EHMT1: variants seen among roughly 807,000 people sequenced by gnomAD.
EHMT1 encodes euchromatic histone lysine methyltransferase 1.
In EHMT1, 15 loss-of-function variants were observed where a neutral mutation model predicts 147.2. The ratio of observed to expected loss-of-function variants is 0.10; its 90% CI spans 0.07 to 0.16. EHMT1 has a LOEUF of 0.16. EHMT1 is among the 10% of genes least tolerant of loss of function. The probability of loss-of-function intolerance (pLI) is 1.00; values close to 1 mark genes in which losing one functional copy is unlikely to be tolerated. For missense variants in EHMT1, 1,587 were observed against 1,772.4 expected, an observed-to-expected ratio of 0.90 and a Z score of 1.88; for synonymous variants, 795 against 709.6, an observed-to-expected ratio of 1.12 and a Z score of -1.91.
intron 1 of EHMT1, among the ~76,000 whole-genome samples, chr9:137,654,950 C>T (rs1938274859): frequency 6.6e-6 from 1 of 152,080 alleles, no homozygotes; most frequent in African/African-American, 2.4e-5. Context: ...CCTTGGTATT[C>T]AGGGACTGCA....
chr9:137,699,675 A>C (rs1189486733), intron 1 of EHMT1, among the ~76,000 whole-genome samples: 1 of 48,022 alleles, frequency 2.1e-5, no homozygotes, highest in Non-Finnish European at 3.5e-5. Context: ...ACTCTGTCTC[A>C]AAAAAAAAAA....
At chr9:137,626,525 T>C (rs1341942051) in intron 1 of EHMT1, among the ~76,000 whole-genome samples, 1 of 136,466 alleles carries the variant, frequency 7.3e-6, no homozygotes, top group Non-Finnish European at 1.6e-5. Context: ...AGACTGTCTC[T>C]AACCAAAAAA....
At chr9:137,833,065 C>G (rs1219041025) in intron 25 of EHMT1, 1 of 152,348 alleles carries the variant, frequency 6.6e-6, no homozygotes, top group Non-Finnish European at 1.5e-5. Context: ...ACTGTCTTGT[C>G]ACTGCCCGCG....
intron 1 of EHMT1, among the ~76,000 whole-genome samples, chr9:137,651,673 T>TA (rs1937835428): frequency 1.3e-5 from 2 of 152,136 alleles, no homozygotes. Flanking sequence ...CACACACTTA[T>TA]AATCCCAGCT....
intron 13 of EHMT1, among the ~76,000 whole-genome samples, chr9:137,778,345 C>T (rs1381258046): frequency 6.6e-6 from 1 of 152,270 alleles, no homozygotes; most frequent in Admixed American, 6.5e-5. Context: ...GCCCTTAGGT[C>T]ATGAGAGCAG....
chr9:137,746,832 C>A (rs934919657), intron 6 of EHMT1: 1 of 152,210 alleles, frequency 6.6e-6, no homozygotes, highest in Non-Finnish European at 1.5e-5. Flanking sequence ...TTTCTCGATT[C>A]TCTCTTTCGA....
intron 1 of EHMT1, among the ~76,000 whole-genome samples, chr9:137,700,820 A>G (rs1392359845): frequency 6.6e-6 from 1 of 152,168 alleles, no homozygotes; most frequent in East Asian, 1.9e-4. Context: ...GTTTTACTAT[A>G]AAAAATGCCA....
chr9:137,716,877 G>A lies in EHMT1; in HGVS notation c.337G>A (p.Asp113Asn), dbSNP rs752755202. Residue 113 changes from aspartate to asparagine, a missense_variant, in exon 3 of 27, where the codon GAC becomes AAC. This residue lies in a region of EHMT1 where 810 missense variants were observed against 673.0 expected (regional missense o/e 1.20). Coordinates refer to ENST00000460843, the MANE Select transcript of EHMT1 (RefSeq NM_024757.5). ...AAKQNHVTAD[D>N]FVQTSVIGSN... The stretch of plus-strand genomic sequence containing the variant: ...GAAGCAAAACCACGTCACTGCCGAC[G>A]ACTTTGTGCAGACTTCTGTCATCGG... The A allele has an allele frequency of 1.8e-5, 29 of 1,613,124 alleles. No homozygotes were observed. Among genetic ancestry groups the A allele is most frequent in the Admixed American group, 3.3e-5 (2 of 59,980 alleles).
intron 2 of EHMT1, among the ~76,000 whole-genome samples, chr9:137,715,288 C>A (rs1183913787): frequency 6.6e-6 from 1 of 152,144 alleles, no homozygotes; most frequent in Admixed American, 6.5e-5. Context: ...ACATCTGCTG[C>A]AGGATTTGGT....
chr9:137,827,546 G>A (rs1955892016), intron 25 of EHMT1, among the ~76,000 whole-genome samples: 1 of 152,190 alleles, frequency 6.6e-6, no homozygotes, highest in African/African-American at 2.4e-5. Flanking sequence ...CCATTGCAGT[G>A]GGCACCCACC....
chr9:137,752,495 C>G lies in EHMT1; in HGVS notation c.1248+87C>G, dbSNP rs1949046170. 59 of 1,471,044 alleles carry G rather than the reference C, an allele frequency of 4.0e-5. 1 individual carries two copies. In the South Asian group the frequency reaches 6.4e-4, roughly 16 times the overall value. 91.1% of individuals were successfully genotyped at this position (1,471,044 alleles called of 1,614,324 possible). A position where few individuals can be genotyped will look rare whatever the true frequency, so the allele number is the denominator to read the frequency against. On this transcript the variant is annotated intron_variant, in intron 7 of 26. Coordinates refer to ENST00000460843, the MANE Select transcript of EHMT1 (RefSeq NM_024757.5). The stretch of plus-strand genomic sequence containing the variant: ...GTCCTTCAGTTCTTTACCCAACAAC[C>G]CTTGTTGCCTGAGCGCTCACCCATG...
At chr9:137,627,582 C>T (rs1223675057) in intron 1 of EHMT1, among the ~76,000 whole-genome samples, 2 of 146,888 alleles carry the variant, frequency 1.4e-5, no homozygotes. Context: ...ACCTCAGCCT[C>T]CCAAAATGCT....
intron 1 of EHMT1, among the ~76,000 whole-genome samples, chr9:137,678,417 T>C (rs746806069): frequency 1.3e-5 from 2 of 152,184 alleles, no homozygotes; most frequent in African/African-American, 2.4e-5. Context: ...GGTTGAACTT[T>C]TTATTGTGAA....
chr9:137,746,561 ACTT>A (rs1948557916), intron 6 of EHMT1: 1 of 152,208 alleles, frequency 6.6e-6, no homozygotes, highest in African/African-American at 2.4e-5. Context: ...ATCTTCTAAT[ACTT>A]CTTTTATTTC....
intron 1 of EHMT1, among the ~76,000 whole-genome samples, chr9:137,668,335 AC>A (rs1939929362): frequency 6.9e-6 from 1 of 144,068 alleles, no homozygotes. Flanking sequence ...CCCACCACTC[AC>A]CCACCCACCA....
intron 1 of EHMT1, among the ~76,000 whole-genome samples, chr9:137,619,562 A>G (rs966056511): frequency 1.3e-5 from 2 of 152,058 alleles, no homozygotes; most frequent in African/African-American, 4.8e-5. Flanking sequence ...CACCATCTTT[A>G]ACGAAAAGTT....
intron 25 of EHMT1, among the ~76,000 whole-genome samples, chr9:137,822,712 G>A (rs1955511566): frequency 1.3e-5 from 2 of 152,074 alleles, no homozygotes; most frequent in Non-Finnish European, 2.9e-5. Flanking sequence ...GACCAACATG[G>A]TGAAACCCCG....
rs911565073 is a variant in EHMT1, at chr9:137,689,890, T to C, written c.22-21077T>C. Among the ~76,000 whole-genome samples the C allele has an allele frequency of 3.9e-5, 6 of 152,328 alleles. No homozygotes were observed. The South Asian group carries it at 8.3e-4, about 21-fold the overall frequency. On this transcript the variant is annotated intron_variant, in intron 1 of 26. Coordinates refer to ENST00000460843, the MANE Select transcript of EHMT1 (RefSeq NM_024757.5). ...CCAGCTCCTGGGCAGGTGCCCACCA[T>C]GTTGGCTGCTGTGCCTGGCGTGGAG...
intron 1 of EHMT1, among the ~76,000 whole-genome samples, chr9:137,670,589 C>T (rs1940472525): frequency 6.6e-6 from 1 of 152,212 alleles, no homozygotes; most frequent in African/African-American, 2.4e-5. Context: ...CTGACTTCCT[C>T]AGTCTCCCAT....
Sources: gnomAD v4.1 joint callset for allele counts (sites outside exome capture counted in the v4.1 genomes callset) on GRCh38, gnomAD v4.1.1 for gene constraint, gnomAD v4.1.1 regional missense constraint, MANE v1.5 for transcripts, NCBI Gene and HGNC (gene_info 2026-07-23, HGNC 2026-07-21) for gene names.